GRIK1: variants seen among roughly 807,000 people sequenced by gnomAD.
The protein encoded by GRIK1 is glutamate receptor ionotropic, kainate 1.
GRIK1 carries 69 observed loss-of-function variants against 105.7 expected under a neutral mutation model. The observed-to-expected ratio is 0.65, with a 90% CI of 0.54 to 0.80. GRIK1 has a LOEUF of 0.80. GRIK1 is among the 30% of genes least tolerant of loss of function. GRIK1 has a pLI of 0.00. For missense variants in GRIK1, 1,109 were observed against 1,167.3 expected (o/e 0.95, Z 0.73); for synonymous variants, 438 against 431.3 (o/e 1.02, Z -0.19).
At chr21:29,669,999 C>T (rs1036336538) in intron 4 of GRIK1, among the ~76,000 whole-genome samples, 2 of 152,136 alleles carry the variant, frequency 1.3e-5, no homozygotes, top group African/African-American at 4.8e-5. Context: ...TCCAATATCC[C>T]GTTTCAAGCA....
chr21:29,606,986 C>G (rs1009269767), intron 7 of GRIK1, among the ~76,000 whole-genome samples: 1 of 152,184 alleles, frequency 6.6e-6, no homozygotes, highest in African/African-American at 2.4e-5. Flanking sequence ...CATTTTGTGT[C>G]TCCTCGTTTG....
chr21:29,830,429 G>C (rs1354977386), intron 1 of GRIK1, among the ~76,000 whole-genome samples: 1 of 151,228 alleles, frequency 6.6e-6, no homozygotes. Flanking sequence ...TGGATTTAAA[G>C]AAAATGTGAT....
chr21:29,741,798 T>C (rs1329392335), intron 1 of GRIK1, among the ~76,000 whole-genome samples: 1 of 152,220 alleles, frequency 6.6e-6, no homozygotes, highest in Non-Finnish European at 1.5e-5. Flanking sequence ...ACTTTACATG[T>C]TTCCACAGGT....
chr21:29,748,106 G>A (rs1409236342), intron 1 of GRIK1: 3 of 152,138 alleles, frequency 2.0e-5, no homozygotes, highest in African/African-American at 7.2e-5. Context: ...TTAAGTTCTT[G>A]GGTTTATTTA....
chr21:29,708,729 AAC>A (rs1470028083), intron 1 of GRIK1, among the ~76,000 whole-genome samples: 1 of 152,234 alleles, frequency 6.6e-6, no homozygotes, highest in African/African-American at 2.4e-5. Flanking sequence ...CAGAGCCTGC[AAC>A]AGACTCACTA....
intron 1 of GRIK1, among the ~76,000 whole-genome samples, chr21:29,870,167 T>C (rs182946793): frequency 4.1e-4 from 63 of 152,314 alleles, no homozygotes; most frequent in African/African-American, 1.5e-3. Flanking sequence ...CATAATAGTG[T>C]ATTAAATTTC....
chr21:29,800,646 AAAC>A (rs1461003448), intron 1 of GRIK1, among the ~76,000 whole-genome samples: 5 of 152,380 alleles, frequency 3.3e-5, no homozygotes, highest in African/African-American at 1.2e-4. Flanking sequence ...TTAATGAAAC[AAAC>A]CAACCCGTTC....
chr21:29,561,465 G>T (rs2146175385), intron 15 of GRIK1, among the ~76,000 whole-genome samples, 159 bp downstream of exon 15: 1 of 152,328 alleles, frequency 6.6e-6, no homozygotes, highest in South Asian at 2.1e-4. Context: ...CTGTAATTCA[G>T]ACTATGTCTC....
chr21:29,614,402 C>CTTTTTTTTT (rs35063316), intron 7 of GRIK1, among the ~76,000 whole-genome samples: 1 of 83,070 alleles, frequency 1.2e-5, no homozygotes, highest in African/African-American at 4.9e-5. Flanking sequence ...TAAAATCCCT[C>CTTTTTTTTT]TTTTTTTTTT....
At chr21:29,868,412 A>G (rs2068899513) in intron 1 of GRIK1, among the ~76,000 whole-genome samples, 1 of 152,194 alleles carries the variant, frequency 6.6e-6, no homozygotes, top group African/African-American at 2.4e-5. Flanking sequence ...CATTTTGAGT[A>G]GAATCCTGTT....
chr21:29,900,908 T>C (rs547110028), intron 1 of GRIK1, among the ~76,000 whole-genome samples: 163 of 152,188 alleles, frequency 1.1e-3, no homozygotes, highest in African/African-American at 3.6e-3. Context: ...CCTCAGCAAA[T>C]GTAAAAGAAC....
chr21:29,620,812 T>TATATATATATAGATAGATAGATAG (rs2061980007), intron 7 of GRIK1, among the ~76,000 whole-genome samples: 2 of 117,500 alleles, frequency 1.7e-5, no homozygotes, highest in African/African-American at 8.2e-5. Context: ...TATAGATATA[T>TATATATATATAGATAGATAGATAG]ATATATAGTA....
chr21:29,555,423 A>G, intron 15 of GRIK1, 121 bp from the exon 16 acceptor site: 1 of 872,444 alleles, frequency 1.1e-6, no homozygotes, highest in East Asian at 2.4e-5. Flanking sequence ...CAATCCACAA[A>G]TTGACTTGCA....
At chr21:29,627,862 G>T (rs1476776203) in intron 7 of GRIK1, among the ~76,000 whole-genome samples, 4 of 152,138 alleles carry the variant, frequency 2.6e-5, no homozygotes, top group Non-Finnish European at 5.9e-5. Context: ...AGAGGCCAAG[G>T]TACCCTTGGG....
intron 1 of GRIK1, among the ~76,000 whole-genome samples, chr21:29,939,164 CCCG>C (rs990837616): frequency 6.6e-6 from 1 of 152,160 alleles, no homozygotes; most frequent in African/African-American, 2.4e-5. Context: ...GATTGAAAAA[CCCG>C]CCAACTGTAC....
At chr21:29,545,704 T>G (rs1412707289) in intron 16 of GRIK1, among the ~76,000 whole-genome samples, 1 of 152,146 alleles carries the variant, frequency 6.6e-6, no homozygotes, top group Non-Finnish European at 1.5e-5. Flanking sequence ...AGGGTGTTAG[T>G]TGTCCACAGT....
chr21:29,569,982 G>A (rs2090702540), intron 14 of GRIK1, among the ~76,000 whole-genome samples: 1 of 152,144 alleles, frequency 6.6e-6, no homozygotes, highest in Non-Finnish European at 1.5e-5. Context: ...AATGCAAGTT[G>A]TGTCCATAGA....
intron 1 of GRIK1, among the ~76,000 whole-genome samples, chr21:29,918,788 C>T (rs1278123438): frequency 6.6e-6 from 1 of 151,996 alleles, no homozygotes; most frequent in African/African-American, 2.4e-5. Flanking sequence ...GATACACCAA[C>T]TAAGTTGCAC....
At chr21:29,819,109 CTTA>C (rs1351989584) in intron 1 of GRIK1, among the ~76,000 whole-genome samples, 4 of 152,048 alleles carry the variant, frequency 2.6e-5, no homozygotes, top group African/African-American at 9.7e-5. Flanking sequence ...GCAAGCTATG[CTTA>C]CATTATTAAT....
Sources: allele counts gnomAD v4.1 joint callset (sites outside exome capture counted in the v4.1 genomes callset), GRCh38; gene constraint gnomAD v4.1.1; transcripts MANE v1.5; gene names NCBI Gene and HGNC (gene_info 2026-07-23, HGNC 2026-07-21).